The following PPM1D variants were observed in gnomAD, a reference collection of about 807,000 sequenced individuals.
The protein encoded by PPM1D is protein phosphatase 1D.
PPM1D carries 52 observed loss-of-function variants against 58.3 expected under a neutral mutation model. That is an observed-to-expected ratio of 0.89 (90% CI 0.71 to 1.12). The LOEUF (loss-of-function observed/expected upper bound fraction) is 1.12, where lower values mean the gene tolerates loss of function less well. PPM1D is among the 50% of genes most tolerant of loss of function. The probability of loss-of-function intolerance (pLI) is 0.00; values close to 1 mark genes in which losing one functional copy is unlikely to be tolerated. For missense variants in PPM1D, 564 were observed against 777.2 expected (o/e 0.73, Z 3.26); for synonymous variants, 278 against 285.1 (o/e 0.98, Z 0.25).
At chr17:60,628,448 A>G (rs2030854723) in intron 2 of PPM1D, among the ~76,000 whole-genome samples, 1 of 152,168 alleles carries the variant, frequency 6.6e-6, no homozygotes, top group Non-Finnish European at 1.5e-5. Context: ...ACACGTATCC[A>G]TCATTATAGT....
intron 5 of PPM1D, among the ~76,000 whole-genome samples, chr17:60,661,194 G>A (rs956876288): frequency 6.1e-5 from 9 of 147,612 alleles, no homozygotes; most frequent in African/African-American, 2.3e-4. Context: ...ACTCCAGCCT[G>A]GGCAACAAGA....
chr17:60,656,401 C>T (rs968343820), intron 4 of PPM1D, among the ~76,000 whole-genome samples, 198 bp from the exon 5 acceptor site: 8 of 148,908 alleles, frequency 5.4e-5, no homozygotes, highest in African/African-American at 1.5e-4. Flanking sequence ...TGCAGTGACC[C>T]GAGATTGCAT....
chr17:60,632,967 CAAAAT>C (rs2030954647), intron 2 of PPM1D, among the ~76,000 whole-genome samples: 1 of 151,410 alleles, frequency 6.6e-6, no homozygotes, highest in African/African-American at 2.4e-5. Flanking sequence ...AACTCCATCT[CAAAAT>C]AAATAAATAA....
intron 2 of PPM1D, among the ~76,000 whole-genome samples, chr17:60,632,721 C>T (rs1348675978): frequency 6.6e-6 from 1 of 152,168 alleles, no homozygotes; most frequent in Admixed American, 6.5e-5. Context: ...CGTGGTGGCC[C>T]ACGTGGTGGC....
intron 1 of PPM1D, among the ~76,000 whole-genome samples, chr17:60,621,625 C>T (rs2030705175): frequency 6.9e-6 from 1 of 145,620 alleles, no homozygotes; most frequent in Non-Finnish European, 1.5e-5. Flanking sequence ...AGACTGCGGA[C>T]TGCAGTGGCG....
At chr17:60,642,935 C>T (rs933435892) in intron 3 of PPM1D, among the ~76,000 whole-genome samples, 15 of 151,154 alleles carry the variant, frequency 9.9e-5, no homozygotes, top group African/African-American at 3.2e-4. Flanking sequence ...GGCATGGTGG[C>T]GGGCGCCTTA....
rs570910224 is a variant in PPM1D at position 60,643,250 on chromosome 17, G to A, written c.827-4642G>A. Among the ~76,000 whole-genome samples the A allele has an allele frequency of 7.9e-5, 12 of 152,118 alleles. No homozygotes were observed. In the South Asian group the frequency reaches 2.5e-3, roughly 32 times the overall value. The stretch of plus-strand genomic sequence containing the variant: ...ACAAAAAAATTAGCCTAGCATGGTG[G>A]CACACACCTGTAGTCCCAGCTACTT... On this transcript the variant is annotated intron_variant, in intron 3 of 5. Transcript: ENST00000305921.
In PPM1D at chr17:60,656,097, A is replaced by G. The variant is rs140725609; in HGVS notation, c.1018-502A>G. ...CAGGATAAAACCTTGTTTTATTAGT[A>G]TTTTTTGAATTTAGAAAAGTATTAT... On this transcript the variant is annotated intron_variant, in intron 4 of 5. Coordinates refer to ENST00000305921, the MANE Select transcript of PPM1D (RefSeq NM_003620.4). Among the ~76,000 whole-genome samples, 1,128 of 152,246 alleles carry G rather than the reference A, an allele frequency of 7.4e-3. 11 individuals are homozygous for G. Among genetic ancestry groups the G allele is most frequent in the African/African-American group, 0.025 (1,051 of 41,550 alleles).
chr17:60,608,458 G>A (rs1205016956), intron 1 of PPM1D, among the ~76,000 whole-genome samples: 1 of 152,076 alleles, frequency 6.6e-6, no homozygotes, highest in East Asian at 1.9e-4. Flanking sequence ...TCAAGAACCT[G>A]ATGAAACCCA....
chr17:60,662,349 T>C (rs2031540819), intron 5 of PPM1D: 1 of 152,136 alleles, frequency 6.6e-6, no homozygotes, highest in African/African-American at 2.4e-5. Context: ...AGGGAACGCT[T>C]CATGAATTTG....
chr17:60,608,192 A>G (rs2030373161), intron 1 of PPM1D, among the ~76,000 whole-genome samples: 1 of 152,268 alleles, frequency 6.6e-6, no homozygotes, highest in East Asian at 1.9e-4. Flanking sequence ...TTTGATCCTT[A>G]TTAGGTAGTC....
intron 5 of PPM1D, among the ~76,000 whole-genome samples, chr17:60,660,564 C>G (rs1228622389): frequency 6.6e-6 from 1 of 151,998 alleles, no homozygotes; most frequent in East Asian, 1.9e-4. Flanking sequence ...AATTTGAGAC[C>G]AGCCTGGCCA....
At chr17:60,620,859 C>T (rs74515131) in intron 1 of PPM1D, among the ~76,000 whole-genome samples, 7,196 of 152,120 alleles carry the variant, frequency 0.047, 600 homozygotes, top group African/African-American at 0.16. Flanking sequence ...CCAAGACCAA[C>T]GTCGAGATTT....
chr17:60,658,842 A>G (rs1469637175), intron 5 of PPM1D, among the ~76,000 whole-genome samples: 1 of 151,960 alleles, frequency 6.6e-6, no homozygotes, highest in Non-Finnish European at 1.5e-5. Context: ...CGTGCCTGTA[A>G]TCCCAGCTAC....
At chr17:60,648,927 C>T (rs1397950997) in intron 4 of PPM1D, among the ~76,000 whole-genome samples, 2 of 151,690 alleles carry the variant, frequency 1.3e-5, no homozygotes, top group Non-Finnish European at 2.9e-5. Flanking sequence ...CCCCACCCAG[C>T]TAATTTTTTG....
At chr17:60,660,800 C>T (rs1182720266) in intron 5 of PPM1D, among the ~76,000 whole-genome samples, 1 of 152,032 alleles carries the variant, frequency 6.6e-6, no homozygotes, top group Non-Finnish European at 1.5e-5. Flanking sequence ...CCTTCAATTT[C>T]CCTTTCATTT....
At chr17:60,658,531 C>T (rs1471201219) in intron 5 of PPM1D, among the ~76,000 whole-genome samples, 2 of 151,790 alleles carry the variant, frequency 1.3e-5, no homozygotes, top group Admixed American at 1.3e-4. Context: ...GCCTGTAATC[C>T]CAGGTACTTG....
At chr17:60,628,236 T>C (rs529699281) in intron 2 of PPM1D, among the ~76,000 whole-genome samples, 3 of 152,258 alleles carry the variant, frequency 2.0e-5, no homozygotes, top group Non-Finnish European at 4.4e-5. Context: ...CACAGCAAAA[T>C]TAAGTGGGAA....
chr17:60,623,148 G>T (rs2030740250), intron 1 of PPM1D, among the ~76,000 whole-genome samples: 1 of 152,074 alleles, frequency 6.6e-6, no homozygotes, highest in South Asian at 2.1e-4. Flanking sequence ...CAGATGCTAA[G>T]TGGCTGGCTA....
Sources: allele counts gnomAD v4.1 joint callset (sites outside exome capture counted in the v4.1 genomes callset), GRCh38; gene constraint gnomAD v4.1.1; transcripts MANE v1.5; gene names NCBI Gene and HGNC (gene_info 2026-07-23, HGNC 2026-07-21).